The following WDR89 variants were observed in gnomAD, a reference collection of about 807,000 sequenced individuals.
The protein encoded by WDR89 is WD repeat-containing protein 89.
A neutral mutation model predicts 29.1 loss-of-function variants in WDR89; 17 were observed. That is an observed-to-expected ratio of 0.58 (90% confidence interval 0.40 to 0.88). WDR89 has a LOEUF of 0.88. WDR89 is among the 40% of genes least tolerant of loss of function. The probability of loss-of-function intolerance (pLI) is 0.00; values close to 1 mark genes in which losing one functional copy is unlikely to be tolerated. For missense variants in WDR89, 396 were observed against 456.3 expected (o/e 0.87, Z 1.20); for synonymous variants, 138 against 157.8 (o/e 0.87, Z 0.94).
At chr14:63,614,993 C>A (rs2139523738) in intron 2 of WDR89, among the ~76,000 whole-genome samples, 1 of 152,246 alleles carries the variant, frequency 6.6e-6, no homozygotes, top group Non-Finnish European at 1.5e-5. Flanking sequence ...CATTAAAATT[C>A]TCAGGAAAAG....
chr14:63,607,317 C>G (rs1566791254), intron 2 of WDR89, among the ~76,000 whole-genome samples: 1 of 152,082 alleles, frequency 6.6e-6, no homozygotes, highest in Non-Finnish European at 1.5e-5. Context: ...TGCCCACCAC[C>G]ATGCCCGGCT....
intron 2 of WDR89, among the ~76,000 whole-genome samples, chr14:63,619,159 G>C (rs1334739039): frequency 6.6e-6 from 1 of 152,214 alleles, no homozygotes; most frequent in East Asian, 1.9e-4. Context: ...GTTGGGGCCT[G>C]CTGGGACTGA....
rs573385278 is a variant in WDR89 at position 63,635,356 on chromosome 14, A to T, written c.-138+6448T>A. On this transcript the variant is annotated intron_variant, in intron 1 of 2. Transcript: ENST00000620954. ...AGTCAATAAATGTGATGTACCACAT[A>T]AACAGAATTAACAACAAAAATCACA... 5.3e-5 allele frequency among the ~76,000 whole-genome samples: 8 copies of T among 152,362 alleles called. 1 individual carries two copies. Among genetic ancestry groups the T allele is most frequent in the Middle Eastern group, 3.4e-3 (1 of 294 alleles).
At chr14:63,627,679 C>T (rs1883157981) in intron 1 of WDR89, among the ~76,000 whole-genome samples, 2 of 152,060 alleles carry the variant, frequency 1.3e-5, no homozygotes, top group African/African-American at 4.8e-5. Context: ...GTGGCTTTTT[C>T]TGGTTTCCTT....
intron 1 of WDR89, among the ~76,000 whole-genome samples, chr14:63,637,697 T>A (rs1334869838): frequency 6.6e-6 from 1 of 151,832 alleles, no homozygotes. Context: ...GTGAAGTAAC[T>A]CAGGAATAGA....
At position 63,629,798 on chromosome 14, in the gene WDR89, G is replaced by A. The variant is rs567769525; in HGVS notation, c.-137-4765C>T. On this transcript the variant is annotated intron_variant, in intron 1 of 2. Transcript: ENST00000620954. ...TTATTTCTTCTCACAGAACCAATTC[G>A]GTAAGAAAGGAGTTAGAACATTCAG... Among the ~76,000 whole-genome samples, 182 of 152,144 alleles carry A rather than the reference G, an allele frequency of 1.2e-3. 1 individual carries two copies. Among genetic ancestry groups the A allele is most frequent in the Non-Finnish European group, 2.4e-3 (165 of 68,010 alleles).
At chr14:63,621,122 T>C (rs936550271) in intron 2 of WDR89, among the ~76,000 whole-genome samples, 6 of 152,142 alleles carry the variant, frequency 3.9e-5, no homozygotes, top group East Asian at 1.9e-4. Flanking sequence ...GTGAAGAAAC[T>C]GGAACCCTTC....
intron 1 of WDR89, among the ~76,000 whole-genome samples, chr14:63,640,998 T>G (rs1884081896): frequency 6.9e-6 from 1 of 145,770 alleles, no homozygotes; most frequent in Admixed American, 7.0e-5. Context: ...CTCGGGAGGC[T>G]GAGGCTGGAG....
rs558348963 is a variant in WDR89 at position 63,627,624 on chromosome 14, G to C, written c.-137-2591C>G. 2.4e-4 allele frequency among the ~76,000 whole-genome samples: 36 copies of C among 152,150 alleles called. No homozygotes were observed. In the South Asian group the frequency reaches 5.4e-3, roughly 23 times the overall value. ...CATTTATCTTTTTACTCTCTCTCTA[G>C]TTTTGCCTTTTCCAGAATGTCAAAT... is the stretch of plus-strand genomic sequence containing the variant. On this transcript the variant is annotated intron_variant, in intron 1 of 2. Coordinates refer to ENST00000620954, the MANE Select transcript of WDR89 (RefSeq NM_080666.4).
intron 2 of WDR89, among the ~76,000 whole-genome samples, chr14:63,622,927 A>AC (rs1882793222): frequency 4.6e-5 from 7 of 152,106 alleles, no homozygotes; most frequent in Non-Finnish European, 1.5e-5. Flanking sequence ...TGGGCCAGGC[A>AC]CAGTGGCTCA....
chr14:63,622,619 T>G (rs141403552), intron 2 of WDR89, among the ~76,000 whole-genome samples: 1 of 151,014 alleles, frequency 6.6e-6, no homozygotes, highest in African/African-American at 2.4e-5. Flanking sequence ...AAACCAAAAG[T>G]AGCCAGGCAT....
chr14:63,640,496 TTC>T (rs1353855448), intron 1 of WDR89, among the ~76,000 whole-genome samples: 1 of 152,036 alleles, frequency 6.6e-6, no homozygotes, highest in African/African-American at 2.4e-5. Flanking sequence ...ACTTTTTTTT[TTC>T]TCTTTTTTGA....
At chr14:63,631,897 A>G (rs1263833229) in intron 1 of WDR89, among the ~76,000 whole-genome samples, 1 of 152,178 alleles carries the variant, frequency 6.6e-6, no homozygotes, top group Non-Finnish European at 1.5e-5. Context: ...AGATCACCTG[A>G]GGCCAGGAGT....
intron 1 of WDR89, among the ~76,000 whole-genome samples, chr14:63,634,521 C>CAAA (rs536589308): frequency 0.043 from 5,182 of 121,328 alleles, 119 homozygotes; most frequent in South Asian, 0.093. Flanking sequence ...GACTCCCTCT[C>CAAA]AAAAAAAAAA....
rs1191687542 is a variant in WDR89, at chr14:63,605,207, CACAT to C, written c.-31-5238_-31-5235del. The stretch of plus-strand genomic sequence containing the variant: ...ACACACACACACACATATATACATA[CACAT>C]ACACACACACACACACACACACACA... On this transcript the variant is annotated intron_variant, in intron 2 of 2. Coordinates refer to ENST00000620954, the MANE Select transcript of WDR89 (RefSeq NM_080666.4). Among the ~76,000 whole-genome samples the C allele has an allele frequency of 8.3e-4, 77 of 92,424 alleles. No individual in the cohort carries two copies. The East Asian group carries it at 0.034, about 41-fold the overall frequency. The allele number at this position is 92,424 out of a possible 152,430, so 60.6% of individuals were successfully genotyped here. A position where few individuals can be genotyped will look rare whatever the true frequency, so the allele number is the denominator to read the frequency against.
intron 2 of WDR89, among the ~76,000 whole-genome samples, chr14:63,612,689 A>G (rs1882067309): frequency 6.6e-6 from 1 of 152,128 alleles, no homozygotes; most frequent in Non-Finnish European, 1.5e-5. Flanking sequence ...TGCCTAGCCA[A>G]GTTTCAAGAA....
rs1471637626 is a variant in WDR89, at chr14:63,627,144, A to ACTCT, written c.-137-2112_-137-2111insAGAG. ...TCTAAACACACACACACACACACACACACACACTCTCTCTCTCTCTCTCTC... is the reference window on the plus strand; with the variant it reads ...TCTAAACACACACACACACACACACACTCTCACACACTCTCTCTCTCTCTCTCTC... On this transcript the variant is annotated intron_variant, in intron 1 of 2. Coordinates refer to ENST00000620954, the MANE Select transcript of WDR89 (RefSeq NM_080666.4). Among the ~76,000 whole-genome samples the ACTCT allele has an allele frequency of 2.9e-3, 384 of 131,494 alleles. 1 individual carries two copies. Among genetic ancestry groups the ACTCT allele is most frequent in the Admixed American group, 4.5e-3 (57 of 12,640 alleles). The allele number at this position is 131,494 out of a possible 152,430, so 86.3% of individuals were successfully genotyped here.
At chr14:63,612,377 G>A (rs7150547) in intron 2 of WDR89, among the ~76,000 whole-genome samples, 6 of 150,582 alleles carry the variant, frequency 4.0e-5, no homozygotes, top group African/African-American at 1.5e-4. Flanking sequence ...CCGGGCTAGA[G>A]TGTAGTGGTG....
intron 2 of WDR89, among the ~76,000 whole-genome samples, chr14:63,606,611 CTAT>C (rs1380373203): frequency 9.9e-5 from 15 of 152,260 alleles, no homozygotes; most frequent in African/African-American, 3.6e-4. Context: ...GTAGGCTATA[CTAT>C]CTAGGTTGGG....
Sources: gnomAD v4.1 joint callset for allele counts (sites outside exome capture counted in the v4.1 genomes callset) on GRCh38, gnomAD v4.1.1 for gene constraint, MANE v1.5 for transcripts, NCBI Gene and HGNC (gene_info 2026-07-23, HGNC 2026-07-21) for gene names.